The following PRIMA1 variants were observed in gnomAD, a reference collection of about 807,000 sequenced individuals.
PRIMA1 encodes the protein proline-rich membrane anchor 1.
Under a neutral mutation model 17.5 loss-of-function variants are expected in PRIMA1, and 7 were observed. That is an observed-to-expected ratio of 0.40 (90% CI 0.23 to 0.75). The LOEUF is 0.75. PRIMA1 is among the 30% of genes least tolerant of loss of function. PRIMA1 has a pLI of 0.37. For synonymous variants in PRIMA1, 97 were observed against 77.9 expected, an observed-to-expected ratio of 1.25 and a Z score of -1.29; for missense variants, 200 against 201.8, an observed-to-expected ratio of 0.99 and a Z score of 0.05.
intron 4 of PRIMA1, among the ~76,000 whole-genome samples, chr14:93,722,768 C>CAGTGATGAT (rs1566961549): frequency 5.5e-5 from 8 of 146,310 alleles, no homozygotes; most frequent in Admixed American, 1.3e-4. Flanking sequence ...GTGATGATGG[C>CAGTGATGAT]GGTGATGATG....
At chr14:93,740,989 G>A (rs889367413) in intron 3 of PRIMA1, among the ~76,000 whole-genome samples, 3 of 152,186 alleles carry the variant, frequency 2.0e-5, no homozygotes, top group African/African-American at 7.2e-5. Flanking sequence ...GATACTGAAA[G>A]CAGTGAGCCC....
Position 93,719,726 on chromosome 14 carries a change from G to T in PRIMA1, c.*1718C>A, listed in dbSNP as rs1025704519. 1 of 152,360 alleles carries T rather than the reference G, an allele frequency of 6.6e-6. No homozygotes were observed. The highest frequency in any genetic ancestry group is 1.5e-5 in the Non-Finnish European group (1 of 68,166). 9.4% of individuals were successfully genotyped at this position (152,360 alleles called of 1,614,324 possible). A position where few individuals can be genotyped will look rare whatever the true frequency, so the allele number is the denominator to read the frequency against. ...AAGAGCACTGTGAAGTACTGGCCAG[G>T]TCAGGAGCAGGGGGTGGCACTATGC... On this transcript the variant is annotated 3_prime_UTR_variant, in exon 5 of 5. Coordinates refer to ENST00000393140, the MANE Select transcript of PRIMA1 (RefSeq NM_178013.4).
intron 4 of PRIMA1, chr14:93,725,859 C>T (rs879075892): frequency 5.0e-5 from 22 of 443,274 alleles, no homozygotes; most frequent in African/African-American, 1.0e-4. Flanking sequence ...CGTGGGGCTC[C>T]GGAAATGCTA....
intron 3 of PRIMA1, among the ~76,000 whole-genome samples, chr14:93,749,009 G>A (rs2076244336): frequency 6.6e-6 from 1 of 152,100 alleles, no homozygotes; most frequent in South Asian, 2.1e-4. Context: ...TTCTGGTAGC[G>A]ACTGGAGAAC....
At chr14:93,786,954 C>CA (rs1297844662) in intron 2 of PRIMA1, among the ~76,000 whole-genome samples, 11 of 152,336 alleles carry the variant, frequency 7.2e-5, no homozygotes, top group Admixed American at 4.6e-4. Context: ...AGCTGAAGCT[C>CA]AAATTCCAGA....
intron 4 of PRIMA1, among the ~76,000 whole-genome samples, chr14:93,730,651 C>A (rs1419922894): frequency 6.6e-6 from 1 of 152,216 alleles, no homozygotes; most frequent in Admixed American, 6.5e-5. Flanking sequence ...CCCTGGCATT[C>A]CAGGTGCCCC....
intron 3 of PRIMA1, among the ~76,000 whole-genome samples, chr14:93,772,840 T>G (rs1355895449): frequency 1.3e-5 from 2 of 152,214 alleles, no homozygotes; most frequent in Non-Finnish European, 2.9e-5. Flanking sequence ...TCAGCAGAGA[T>G]ATGCTGGAAC....
intron 3 of PRIMA1, 125 bp from the exon 4 acceptor site, chr14:93,737,495 G>T (rs1391929315): frequency 8.7e-7 from 1 of 1,147,242 alleles, no homozygotes; most frequent in Admixed American, 2.3e-5. Context: ...ACCATCATGG[G>T]TGACACCAAC....
chr14:93,781,233 T>G (rs1360530051), intron 2 of PRIMA1, among the ~76,000 whole-genome samples: 1 of 152,220 alleles, frequency 6.6e-6, no homozygotes, highest in Non-Finnish European at 1.5e-5. Flanking sequence ...TGCCGTCTGA[T>G]GGTGGCCTCT....
chr14:93,759,512 T>C (rs1490465497), intron 3 of PRIMA1, among the ~76,000 whole-genome samples: 1 of 151,886 alleles, frequency 6.6e-6, no homozygotes. Flanking sequence ...CGTGTGCATG[T>C]GTGTGTGCGT....
At chr14:93,745,992 C>T (rs1440187861) in intron 3 of PRIMA1, among the ~76,000 whole-genome samples, 1 of 152,150 alleles carries the variant, frequency 6.6e-6, no homozygotes, top group Non-Finnish European at 1.5e-5. Context: ...CCGCCGCTGC[C>T]CCCATCCTTC....
chr14:93,741,765 CAG>C (rs1386431319), intron 3 of PRIMA1, among the ~76,000 whole-genome samples: 3 of 152,142 alleles, frequency 2.0e-5, no homozygotes, highest in African/African-American at 7.2e-5. Flanking sequence ...CTGAGACAAT[CAG>C]AGAGTGCCAA....
chr14:93,755,700 A>G (rs1465555349), intron 3 of PRIMA1, among the ~76,000 whole-genome samples: 4 of 152,210 alleles, frequency 2.6e-5, no homozygotes, highest in Admixed American at 6.5e-5. Context: ...AGGCATGTAC[A>G]GCCCTTTTCC....
intron 3 of PRIMA1, among the ~76,000 whole-genome samples, chr14:93,771,542 C>T (rs1344076738): frequency 6.6e-6 from 1 of 152,168 alleles, no homozygotes; most frequent in African/African-American, 2.4e-5. Flanking sequence ...GGCTGACAGA[C>T]TATCGGTGCA....
intron 4 of PRIMA1, among the ~76,000 whole-genome samples, chr14:93,724,607 C>T (rs1049941902): frequency 1.3e-5 from 2 of 152,158 alleles, no homozygotes; most frequent in African/African-American, 2.4e-5. Context: ...CATTTTCTTA[C>T]AGTGAGATCC....
At chr14:93,750,372 AT>A (rs1463203880) in intron 3 of PRIMA1, among the ~76,000 whole-genome samples, 1 of 152,220 alleles carries the variant, frequency 6.6e-6, no homozygotes, top group Non-Finnish European at 1.5e-5. Flanking sequence ...ATGCCACTGC[AT>A]TCTAGCCTGG....
chr14:93,761,515 G>T (rs145425896), intron 3 of PRIMA1, among the ~76,000 whole-genome samples: 1 of 152,248 alleles, frequency 6.6e-6, no homozygotes, highest in Non-Finnish European at 1.5e-5. Flanking sequence ...CCTGATGGTT[G>T]TACCACAGGA....
rs2076029962 is a variant in PRIMA1, at chr14:93,720,426, G to A, written c.*1018C>T. 6.6e-6 allele frequency: 1 copy of A among 152,568 alleles called. No homozygotes were observed. Among genetic ancestry groups the A allele is most frequent in the Non-Finnish European group, 1.5e-5 (1 of 68,294 alleles). 9.5% of individuals were successfully genotyped at this position (152,568 alleles called of 1,614,324 possible). A position where few individuals can be genotyped will look rare whatever the true frequency, so the allele number is the denominator to read the frequency against. ...GGAAGAACAACACCTCCTTCTTGGC[G>A]ACTGGGGCTCGGGGTAGGGTAAAAT... On this transcript the variant is annotated 3_prime_UTR_variant, in exon 5 of 5. Transcript: ENST00000393140.
chr14:93,739,113 C>T (rs1019673827), intron 3 of PRIMA1, among the ~76,000 whole-genome samples: 1 of 151,470 alleles, frequency 6.6e-6, no homozygotes, highest in African/African-American at 2.4e-5. Flanking sequence ...AGTGCAGTGG[C>T]ACGATCTCAG....
Sources: gnomAD v4.1 joint callset for allele counts (sites outside exome capture counted in the v4.1 genomes callset) on GRCh38, gnomAD v4.1.1 for gene constraint, MANE v1.5 for transcripts, NCBI Gene and HGNC (gene_info 2026-07-23, HGNC 2026-07-21) for gene names.